The following DOK5 variants were observed in gnomAD, a reference collection of about 807,000 sequenced individuals.
DOK5 encodes docking protein 5.
Under a neutral mutation model 43.3 loss-of-function variants are expected in DOK5, and 27 were observed. The observed-to-expected ratio is 0.62, with a 90% CI of 0.46 to 0.86. The LOEUF (loss-of-function observed/expected upper bound fraction) is 0.86, where lower values mean the gene tolerates loss of function less well. Among genes scored for constraint, DOK5 ranks in the 40% least tolerant of loss-of-function variants. DOK5 has a pLI of 0.00. For synonymous variants in DOK5, 146 were observed against 140.1 expected, an observed-to-expected ratio of 1.04 and a Z score of -0.30; for missense variants, 373 against 392.9, an observed-to-expected ratio of 0.95 and a Z score of 0.43.
At chr20:54,517,670 A>G (rs1983244985) in intron 1 of DOK5, among the ~76,000 whole-genome samples, 1 of 152,124 alleles carries the variant, frequency 6.6e-6, no homozygotes, top group Non-Finnish European at 1.5e-5. Context: ...TGGAATATTT[A>G]TGCACCCCCC....
intron 5 of DOK5, among the ~76,000 whole-genome samples, chr20:54,597,317 G>A (rs1986172085): frequency 6.6e-6 from 1 of 152,130 alleles, no homozygotes; most frequent in Non-Finnish European, 1.5e-5. Context: ...GGCAGGGGGT[G>A]TTACTGGCAT....
intron 6 of DOK5, among the ~76,000 whole-genome samples, chr20:54,622,942 G>T (rs961137015): frequency 6.6e-6 from 1 of 152,108 alleles, no homozygotes; most frequent in Admixed American, 6.5e-5. Flanking sequence ...TTTTGAAATG[G>T]TGGTAGCAGG....
intron 7 of DOK5, among the ~76,000 whole-genome samples, chr20:54,646,892 C>CTTT (rs11483952): frequency 4.3e-4 from 59 of 138,114 alleles, no homozygotes; most frequent in African/African-American, 1.4e-3. Context: ...GAATTTCAGG[C>CTTT]TTTTTTTTTT....
intron 1 of DOK5, among the ~76,000 whole-genome samples, chr20:54,507,627 G>A (rs1181951818): frequency 1.3e-5 from 2 of 152,156 alleles, no homozygotes; most frequent in Non-Finnish European, 2.9e-5. Context: ...TGAATGATGA[G>A]GTGTCTGCTT....
chr20:54,524,406 C>G (rs1337042510), intron 1 of DOK5, among the ~76,000 whole-genome samples: 1 of 152,200 alleles, frequency 6.6e-6, no homozygotes, highest in Non-Finnish European at 1.5e-5. Flanking sequence ...CCCTTTGAAA[C>G]TGAACAGTTC....
chr20:54,645,133 A>C (rs529844291), intron 7 of DOK5, among the ~76,000 whole-genome samples: 1 of 151,264 alleles, frequency 6.6e-6, no homozygotes, highest in South Asian at 2.1e-4. Flanking sequence ...CAAGACCACC[A>C]AACTGGAAAT....
intron 1 of DOK5, among the ~76,000 whole-genome samples, chr20:54,497,547 T>C (rs1293980520): frequency 6.6e-6 from 1 of 152,222 alleles, no homozygotes; most frequent in Non-Finnish European, 1.5e-5. Context: ...GAGGTTTTCA[T>C]GTTTTGCTCT....
intron 6 of DOK5, among the ~76,000 whole-genome samples, chr20:54,626,575 CTT>C (rs1354078697): frequency 6.6e-6 from 1 of 152,098 alleles, no homozygotes; most frequent in Non-Finnish European, 1.5e-5. Flanking sequence ...CCTCCTGTCT[CTT>C]TATTAGCAAT....
intron 1 of DOK5, among the ~76,000 whole-genome samples, chr20:54,554,553 C>T (rs28667935): frequency 0.02 from 3,108 of 152,320 alleles, 104 homozygotes; most frequent in African/African-American, 0.071. Context: ...ATGAGATCTT[C>T]AGCATAGACC....
At chr20:54,520,949 T>C (rs2146696263) in intron 1 of DOK5, among the ~76,000 whole-genome samples, 1 of 152,268 alleles carries the variant, frequency 6.6e-6, no homozygotes, top group South Asian at 2.1e-4. Context: ...GTAAGCTGAC[T>C]TGCTTTTTCT....
intron 1 of DOK5, among the ~76,000 whole-genome samples, chr20:54,520,200 A>T (rs192347744): frequency 6.6e-6 from 1 of 152,132 alleles, no homozygotes; most frequent in East Asian, 1.9e-4. Context: ...CCAATCTTCC[A>T]CTTGCTTAGG....
rs554822135 is a variant in DOK5, at chr20:54,475,628, G to A, written c.-319G>A. 2.1e-6 allele frequency: 1 copy of A among 467,272 alleles called. No homozygotes were observed. Among genetic ancestry groups the A allele is most frequent in the African/African-American group, 2.0e-5 (1 of 48,862 alleles). 28.9% of individuals were successfully genotyped at this position (467,272 alleles called of 1,614,324 possible). Reference sequence around the variant, plus strand: ...TCCTTCTCGGCCGGGAGGAGGCAGGGCTGGATCCCTCAGCCGCCGCCGCTC... The same window carrying A: ...TCCTTCTCGGCCGGGAGGAGGCAGGACTGGATCCCTCAGCCGCCGCCGCTC... On this transcript the variant is annotated 5_prime_UTR_variant, in exon 1 of 8. Transcript: ENST00000262593. This position sits in a 1 kb window ranked among gnomAD's most constrained non-coding sequence, Gnocchi z 4.2.
At chr20:54,641,826 T>C (rs1179435897) in intron 6 of DOK5, among the ~76,000 whole-genome samples, 2 of 152,198 alleles carry the variant, frequency 1.3e-5, no homozygotes, top group African/African-American at 4.8e-5. Context: ...ATTGTGCCTA[T>C]GTGTAGTTAA....
chr20:54,531,236 A>G (rs1983761330), intron 1 of DOK5, among the ~76,000 whole-genome samples: 1 of 152,200 alleles, frequency 6.6e-6, no homozygotes, highest in Non-Finnish European at 1.5e-5. Flanking sequence ...GTGGTATTGG[A>G]AAAGCCTTTC....
chr20:54,573,739 C>T (rs1238224232), intron 2 of DOK5, among the ~76,000 whole-genome samples: 1 of 148,910 alleles, frequency 6.7e-6, no homozygotes, highest in Admixed American at 6.7e-5. Context: ...GCGTTGACTT[C>T]ATTTCAGTAG....
intron 6 of DOK5, among the ~76,000 whole-genome samples, chr20:54,633,502 T>C (rs1673082542): frequency 6.6e-6 from 1 of 152,128 alleles, no homozygotes; most frequent in African/African-American, 2.4e-5. Flanking sequence ...GATAGAAAAT[T>C]AGTTGGGTTA....
chr20:54,548,788 A>G (rs1234993065), intron 1 of DOK5, among the ~76,000 whole-genome samples: 1 of 152,210 alleles, frequency 6.6e-6, no homozygotes, highest in African/African-American at 2.4e-5. Context: ...TGCCAGTGTT[A>G]ACCCAAGTAG....
intron 6 of DOK5, among the ~76,000 whole-genome samples, chr20:54,612,996 G>T (rs1052089809): frequency 6.6e-6 from 1 of 152,154 alleles, no homozygotes; most frequent in Non-Finnish European, 1.5e-5. Flanking sequence ...CTCATAACAT[G>T]TTCAGCCCAG....
intron 2 of DOK5, among the ~76,000 whole-genome samples, chr20:54,588,226 G>A (rs1329970973): frequency 6.6e-6 from 1 of 152,198 alleles, no homozygotes; most frequent in Non-Finnish European, 1.5e-5. Context: ...CTACCTCTGT[G>A]AAGTTTTAAG....
Sources: gnomAD v4.1 joint callset for allele counts (sites outside exome capture counted in the v4.1 genomes callset) on GRCh38, gnomAD v4.1.1 for gene constraint, Gnocchi (gnomAD v3.1) non-coding constraint, MANE v1.5 for transcripts, NCBI Gene and HGNC (gene_info 2026-07-23, HGNC 2026-07-21) for gene names.